The following RGS3 variants were observed in gnomAD, a reference collection of about 807,000 sequenced individuals.
RGS3 encodes the protein regulator of G protein signaling 3.
Under a neutral mutation model 132.6 loss-of-function variants are expected in RGS3, and 80 were observed. The observed-to-expected ratio is 0.60, with a 90% CI of 0.50 to 0.73. RGS3 has a LOEUF of 0.73. RGS3 is among the 30% of genes least tolerant of loss of function. The pLI is 0.00. For synonymous variants in RGS3, 598 were observed against 620.6 expected (o/e 0.96, Z 0.54); for missense variants, 1,382 against 1,530.8 (o/e 0.90, Z 1.62).
rs770448112 is a variant in RGS3 at position 113,591,397 on chromosome 9, T to C, written c.3080T>C (p.Leu1027Pro). 5.6e-6 allele frequency: 9 copies of C among 1,613,186 alleles called. No individual in the cohort carries two copies. The highest frequency in any genetic ancestry group is 7.6e-6 in the Non-Finnish European group (9 of 1,179,678). ...TCCCGGAAGAGAAAGAGCAAAAACC[T>C]GTACGTTGGGAAGATCCCTGGCTTC... The change falls in exon 21 of 25, where the codon CTA becomes CCA. Residue 1027 changes from leucine to proline, a missense_variant and splice_region_variant. Physicochemically the swap from Leu to Pro is moderately conservative, Grantham distance 98. Coordinates refer to ENST00000350696, the Ensembl canonical transcript of RGS3. The surrounding 1 kb of genome is among the most constrained non-coding windows in gnomAD (Gnocchi z 4.4).
At chr9:113,551,316 A>G (rs1443288247) in intron 19 of RGS3, among the ~76,000 whole-genome samples, 2 of 152,306 alleles carry the variant, frequency 1.3e-5, no homozygotes, top group Middle Eastern at 3.4e-3. Context: ...ATTCCTTTTC[A>G]TGGCTGAATA....
chr9:113,461,732 C>T (rs1450778730), exon 2 of RGS3: 2 of 1,614,046 alleles, frequency 1.2e-6, no homozygotes, highest in East Asian at 2.2e-5. Flanking sequence ...CACACCTTTG[C>T]CCAATTTTCT....
chr9:113,456,916 C>T (rs547608350), upstream of RGS3, among the ~76,000 whole-genome samples: 2 of 152,306 alleles, frequency 1.3e-5, no homozygotes, highest in East Asian at 1.9e-4. Context: ...TCTCCTGCCT[C>T]AGCCTCCCGA....
Position 113,506,568 on chromosome 9 carries a change from G to A in RGS3, c.1085+75G>A. On this transcript the variant is annotated intron_variant, in intron 12 of 24. Coordinates refer to ENST00000350696, the Ensembl canonical transcript of RGS3. This position sits in a 1 kb window ranked among gnomAD's most constrained non-coding sequence, Gnocchi z 4.7. ...TCCCCACCCCTGGGCACACTGCCTT[G>A]CCTGGCCCAGCTCTTGCTGCTCCCT... is the stretch of plus-strand genomic sequence containing the variant. The A allele has an allele frequency of 2.1e-6, 2 of 936,116 alleles. No homozygotes were observed. Among genetic ancestry groups the A allele is most frequent in the Non-Finnish European group, 3.4e-6 (2 of 593,864 alleles). 58.0% of individuals were successfully genotyped at this position (936,116 alleles called of 1,614,324 possible). A position where few individuals can be genotyped will look rare whatever the true frequency, so the allele number is the denominator to read the frequency against.
intron 19 of RGS3, among the ~76,000 whole-genome samples, chr9:113,571,583 T>C (rs1834291881): frequency 6.6e-6 from 1 of 152,200 alleles, no homozygotes; most frequent in South Asian, 2.1e-4. Flanking sequence ...TCTGATTAAC[T>C]TGTAGGAGCT....
At chr9:113,588,659 T>C (rs1439517083) in intron 20 of RGS3, among the ~76,000 whole-genome samples, 2 of 152,228 alleles carry the variant, frequency 1.3e-5, no homozygotes, top group Non-Finnish European at 2.9e-5. Context: ...TAAAACACTT[T>C]GGCCCGGCAC....
At chr9:113,460,956 T>C (rs1829457010) in intron 1 of RGS3, among the ~76,000 whole-genome samples, 1 of 152,210 alleles carries the variant, frequency 6.6e-6, no homozygotes, top group South Asian at 2.1e-4. Flanking sequence ...AATCTGTATA[T>C]ATGCATATGG....
intron 1 of RGS3, among the ~76,000 whole-genome samples, chr9:113,451,571 CAT>C (rs1829246787): frequency 6.6e-6 from 1 of 152,196 alleles, no homozygotes; most frequent in Non-Finnish European, 1.5e-5. Flanking sequence ...CATATTCCCA[CAT>C]GATTGCAATT....
chr9:113,561,228 T>C (rs1328624255), intron 19 of RGS3, among the ~76,000 whole-genome samples: 4 of 152,030 alleles, frequency 2.6e-5, no homozygotes, highest in African/African-American at 9.7e-5. Context: ...TTTCACCATG[T>C]TGGCCAGGCT....
chr9:113,456,643 C>T (rs935090394), upstream of RGS3, among the ~76,000 whole-genome samples: 5 of 151,878 alleles, frequency 3.3e-5, no homozygotes, highest in Non-Finnish European at 7.4e-5. Context: ...CCACCCCTAA[C>T]CAATTTGTTT....
chr9:113,553,236 G>T (rs1049298062), intron 19 of RGS3, among the ~76,000 whole-genome samples: 3 of 150,804 alleles, frequency 2.0e-5, no homozygotes, highest in Non-Finnish European at 4.4e-5. Context: ...GAGTCCAGGA[G>T]TTGAAGACAA....
chr9:113,562,076 C>G (rs1161581373), intron 19 of RGS3, among the ~76,000 whole-genome samples: 6 of 152,204 alleles, frequency 3.9e-5, no homozygotes, highest in Admixed American at 3.9e-4. Context: ...TGGTGCAGGA[C>G]ACAGTGGAAA....
chr9:113,479,407 C>T, intron 3 of RGS3, 84 bp from the exon 2 acceptor site: 3 of 1,325,672 alleles, frequency 2.3e-6, no homozygotes, highest in Non-Finnish European at 3.3e-6. Flanking sequence ...AACAAAAGAG[C>T]ATTTCTGTCA....
intron 19 of RGS3, 58 bp downstream of exon 17, chr9:113,536,976 G>C (rs1424453058): frequency 6.4e-7 from 1 of 1,555,382 alleles, no homozygotes; most frequent in Non-Finnish European, 8.8e-7. Context: ...AGCCAGCCTA[G>C]ACCCTTGAGC....
At chr9:113,583,891 A>G (rs1219919709) in exon 20 of RGS3, 3 of 1,613,910 alleles carry the variant, frequency 1.9e-6, no homozygotes, top group African/African-American at 1.3e-5. Context: ...CCTGCCAGCC[A>G]AGGCCCTTAC....
intron 14 of RGS3, among the ~76,000 whole-genome samples, chr9:113,510,344 A>G (rs1399699183): frequency 6.6e-6 from 1 of 152,192 alleles, no homozygotes; most frequent in Non-Finnish European, 1.5e-5. Flanking sequence ...ATTAGGTTAG[A>G]GTGGAGATGC....
chr9:113,474,037 A>G (rs533888279), intron 3 of RGS3, among the ~76,000 whole-genome samples: 2 of 152,318 alleles, frequency 1.3e-5, no homozygotes, highest in East Asian at 3.9e-4. Flanking sequence ...GGACGGACCT[A>G]GAATCCCTTG....
intron 18 of RGS3, among the ~76,000 whole-genome samples, chr9:113,533,443 A>T (rs2118574313): frequency 6.6e-6 from 1 of 152,232 alleles, no homozygotes; most frequent in South Asian, 2.1e-4. Flanking sequence ...TTTGGCCAGG[A>T]TGGTCTCAAA....
Position 113,533,688 on chromosome 9 carries a change from C to T in RGS3, c.1915-3108C>T, listed in dbSNP as rs185758109. On this transcript the variant is annotated intron_variant, in intron 18 of 24. Transcript: ENST00000350696. Reference sequence around the variant, plus strand: ...TGGGTAGAAGCAGGGCTGGGAGGCTCGGGCCAGGGCCAGGGCCAGCTTCAT... The same window carrying T: ...TGGGTAGAAGCAGGGCTGGGAGGCTTGGGCCAGGGCCAGGGCCAGCTTCAT... 8.2e-3 allele frequency among the ~76,000 whole-genome samples: 1,244 copies of T among 152,288 alleles called. 16 individuals are homozygous for T. Among genetic ancestry groups the T allele is most frequent in the African/African-American group, 0.019 (794 of 41,560 alleles).
Sources: gnomAD v4.1 joint callset for allele counts (sites outside exome capture counted in the v4.1 genomes callset) on GRCh38, gnomAD v4.1.1 for gene constraint, Gnocchi (gnomAD v3.1) non-coding constraint, MANE v1.5 for transcripts, NCBI Gene and HGNC (gene_info 2026-07-23, HGNC 2026-07-21) for gene names.